C8orf34: variants seen among roughly 807,000 people sequenced by gnomAD.
C8orf34 encodes the protein uncharacterized protein C8orf34.
In C8orf34, 65 loss-of-function variants were observed where a neutral mutation model predicts 68.3. The observed-to-expected ratio is 0.95, with a 90% CI of 0.78 to 1.17. The LOEUF (loss-of-function observed/expected upper bound fraction) is 1.17. Among genes scored for constraint, C8orf34 ranks in the 50% most tolerant of loss-of-function variants. The pLI is 0.00. For synonymous variants in C8orf34, 244 were observed against 241.2 expected, an observed-to-expected ratio of 1.01 and a Z score of -0.11; for missense variants, 664 against 655.4, an observed-to-expected ratio of 1.01 and a Z score of -0.14.
intron 7 of C8orf34, among the ~76,000 whole-genome samples, chr8:68,546,316 A>C (rs1432434476): frequency 2.0e-5 from 3 of 152,012 alleles, no homozygotes; most frequent in Non-Finnish European, 4.4e-5. Context: ...TAAGCTCACT[A>C]TAAGATTCAC....
intron 12 of C8orf34, among the ~76,000 whole-genome samples, chr8:68,813,797 C>T (rs901661607): frequency 5.3e-5 from 8 of 152,156 alleles, no homozygotes; most frequent in East Asian, 3.9e-4. Context: ...ATGCTTCCAT[C>T]GGGCTCACTG....
At position 68,521,882 on chromosome 8, in the gene C8orf34, C is replaced by G; in HGVS notation, c.849C>G (p.Pro283=). The change falls in exon 6 of 14, where the codon CCC becomes CCG. Residue 283 remains proline (P), a synonymous_variant. Coordinates refer to ENST00000518698, the MANE Select transcript of C8orf34 (RefSeq NM_052958.4). ...GTAGAGAAGAAAATGATGCTGATCC[C>G]CTAGCTGCTGAAATGCTACAGCCTC... ...WIGREENDAD[P]LAAEMLQPPI... The G allele has an allele frequency of 6.2e-7, 1 of 1,613,950 alleles. No homozygotes were observed. Among genetic ancestry groups the G allele is most frequent in the East Asian group, 2.2e-5 (1 of 44,860 alleles).
chr8:68,492,779 T>G (rs116592484), intron 5 of C8orf34, among the ~76,000 whole-genome samples: 1 of 146,676 alleles, frequency 6.8e-6, no homozygotes, highest in Non-Finnish European at 1.5e-5. Flanking sequence ...CTGCAGAAAG[T>G]GTGCTCACCC....
At chr8:68,793,229 A>G (rs1824064885) in intron 12 of C8orf34, among the ~76,000 whole-genome samples, 1 of 152,212 alleles carries the variant, frequency 6.6e-6, no homozygotes, top group Non-Finnish European at 1.5e-5. Context: ...TTGTATAAAA[A>G]TAGTAAAGTT....
chr8:68,761,957 G>C (rs553408983), intron 10 of C8orf34, among the ~76,000 whole-genome samples: 106 of 152,240 alleles, frequency 7.0e-4, no homozygotes, highest in African/African-American at 2.4e-3. Context: ...TCAGCTTCTT[G>C]ATAACTTTGA....
intron 1 of C8orf34, among the ~76,000 whole-genome samples, chr8:68,393,414 T>C (rs1232515660): frequency 6.6e-6 from 1 of 152,100 alleles, no homozygotes; most frequent in Non-Finnish European, 1.5e-5. Context: ...CACAGGAATG[T>C]GAACAGATCA....
chr8:68,392,225 C>T (rs765155258), intron 1 of C8orf34, among the ~76,000 whole-genome samples: 6 of 151,296 alleles, frequency 4.0e-5, no homozygotes, highest in Non-Finnish European at 8.8e-5. Context: ...GTTTACTTTC[C>T]AATGGGTTTG....
intron 8 of C8orf34, among the ~76,000 whole-genome samples, chr8:68,662,465 A>T (rs1819709320): frequency 6.6e-6 from 1 of 152,164 alleles, no homozygotes; most frequent in Non-Finnish European, 1.5e-5. Flanking sequence ...GAGGTAATTG[A>T]ATCATGGGGG....
chr8:68,579,632 G>C (rs1280826118), intron 7 of C8orf34, among the ~76,000 whole-genome samples: 1 of 152,136 alleles, frequency 6.6e-6, no homozygotes, highest in Non-Finnish European at 1.5e-5. Flanking sequence ...GCGCTCTGCA[G>C]ATCAGCAGTA....
At chr8:68,451,909 A>T (rs1811361168) in intron 3 of C8orf34, among the ~76,000 whole-genome samples, 1 of 152,084 alleles carries the variant, frequency 6.6e-6, no homozygotes, top group Admixed American at 6.6e-5. Flanking sequence ...TCTGCAAAGC[A>T]TTATAAAGTG....
chr8:68,708,010 G>A (rs886780296), intron 8 of C8orf34, among the ~76,000 whole-genome samples: 1 of 152,042 alleles, frequency 6.6e-6, no homozygotes, highest in Non-Finnish European at 1.5e-5. Context: ...ATTTAAAGTG[G>A]TCTTTTTCCC....
intron 10 of C8orf34, among the ~76,000 whole-genome samples, chr8:68,752,534 T>G (rs1585830364): frequency 6.6e-6 from 1 of 152,180 alleles, no homozygotes; most frequent in Non-Finnish European, 1.5e-5. Context: ...TTAAGAGCCT[T>G]AATTTTCTTC....
At chr8:68,388,706 C>G (rs16934546) in intron 1 of C8orf34, among the ~76,000 whole-genome samples, 10,173 of 152,176 alleles carry the variant, frequency 0.067, 407 homozygotes, top group African/African-American at 0.11. Flanking sequence ...TTTCTTGATA[C>G]AGATCAGTTG....
intron 1 of C8orf34, among the ~76,000 whole-genome samples, chr8:68,386,872 T>G (rs1808284188): frequency 1.3e-5 from 2 of 151,958 alleles, no homozygotes; most frequent in African/African-American, 4.8e-5. Flanking sequence ...ATGCCAGAAA[T>G]AGCCCTCCCC....
intron 5 of C8orf34, among the ~76,000 whole-genome samples, chr8:68,512,295 C>T (rs904328220): frequency 2.0e-5 from 3 of 152,088 alleles, no homozygotes; most frequent in Admixed American, 6.5e-5. Flanking sequence ...CATACATTAG[C>T]GTTATTCACA....
At chr8:68,464,830 C>A (rs1485086450) in intron 3 of C8orf34, among the ~76,000 whole-genome samples, 4 of 151,982 alleles carry the variant, frequency 2.6e-5, no homozygotes, top group Non-Finnish European at 5.9e-5. Context: ...AATGTTAGAC[C>A]TAAAACCATA....
intron 7 of C8orf34, among the ~76,000 whole-genome samples, chr8:68,565,027 T>C (rs1816543532): frequency 6.6e-6 from 1 of 152,248 alleles, no homozygotes. Context: ...ATCTGAAGTG[T>C]CTTCTTTCTT....
In C8orf34 at chr8:68,388,165, C is replaced by T. The variant is rs539085090; in HGVS notation, c.328-51334C>T. Among the ~76,000 whole-genome samples, 36 of 152,244 alleles carry T rather than the reference C, an allele frequency of 2.4e-4. No individual in the cohort carries two copies. In the East Asian group the frequency reaches 5.6e-3, roughly 24 times the overall value. ...CAGATAAAACAGACATTCAATTTAC[C>T]GTTTACCCACTCTTTACTCACTGTT... On this transcript the variant is annotated intron_variant, in intron 1 of 13. Coordinates refer to ENST00000518698, the MANE Select transcript of C8orf34 (RefSeq NM_052958.4).
At chr8:68,539,940 GA>G (rs11288592) in intron 7 of C8orf34, among the ~76,000 whole-genome samples, 31,193 of 151,706 alleles carry the variant, frequency 0.21, 4,320 homozygotes, top group African/African-American at 0.4. Context: ...TTCAACATCT[GA>G]AAAAATGGCA....
Sources: allele counts gnomAD v4.1 joint callset (sites outside exome capture counted in the v4.1 genomes callset), GRCh38; gene constraint gnomAD v4.1.1; transcripts MANE v1.5; gene names NCBI Gene and HGNC (gene_info 2026-07-23, HGNC 2026-07-21).